The following CEP128 variants were observed in gnomAD, a reference collection of about 807,000 sequenced individuals.
The protein encoded by CEP128 is centrosomal protein 128kDa.
In CEP128, 132 loss-of-function variants were observed where a neutral mutation model predicts 156.7. The observed-to-expected ratio is 0.84, with a 90% CI of 0.73 to 0.97. The LOEUF is 0.97. Ranked by LOEUF, CEP128 falls within the 50% of genes least tolerant of loss-of-function variation. The pLI is 0.00. For missense variants in CEP128, 1,252 were observed against 1,281.9 expected, an observed-to-expected ratio of 0.98 and a Z score of 0.36; for synonymous variants, 469 against 448.9, an observed-to-expected ratio of 1.04 and a Z score of -0.57.
exon 15 of CEP128, chr14:80,477,753 A>G (rs934177328): frequency 1.6e-4 from 24 of 152,320 alleles, no homozygotes; most frequent in African/African-American, 5.8e-4. Context: ...TCTGTTAATG[A>G]TAGCGTGCTT....
chr14:80,700,325 C>T (rs532753081), intron 19 of CEP128, among the ~76,000 whole-genome samples: 1 of 152,050 alleles, frequency 6.6e-6, no homozygotes, highest in Non-Finnish European at 1.5e-5. Context: ...TTGGACTAAG[C>T]TGATGATTAG....
In CEP128 at chr14:80,868,570, G is replaced by A. The variant is rs114658752; in HGVS notation, c.646-5697C>T. Reference sequence around the variant, plus strand: ...AATTATCAAATCACAAAGGAAGACAGAGAGAAAAAAATAAATGAAGAAACT... The same window carrying A: ...AATTATCAAATCACAAAGGAAGACAAAGAGAAAAAAATAAATGAAGAAACT... On this transcript the variant is annotated intron_variant, in intron 8 of 24. Transcript: ENST00000555265. Among the ~76,000 whole-genome samples the A allele has an allele frequency of 4.4e-3, 633 of 145,358 alleles. 4 individuals carry two copies. Among genetic ancestry groups the A allele is most frequent in the African/African-American group, 0.014 (583 of 40,934 alleles).
intron 19 of CEP128, among the ~76,000 whole-genome samples, chr14:80,593,290 T>C (rs967751518): frequency 6.6e-5 from 10 of 152,050 alleles, no homozygotes; most frequent in Non-Finnish European, 1.5e-4. Flanking sequence ...CTCACACCTG[T>C]AATCCCTGCC....
intron 21 of CEP128, among the ~76,000 whole-genome samples, chr14:80,553,419 G>T (rs1890296732): frequency 6.6e-6 from 1 of 152,092 alleles, no homozygotes; most frequent in African/African-American, 2.4e-5. Context: ...TACTCCACTG[G>T]TATGTGATGC....
intron 9 of CEP128, among the ~76,000 whole-genome samples, chr14:80,843,124 A>T (rs1379924866): frequency 8.6e-5 from 13 of 152,046 alleles, no homozygotes; most frequent in Non-Finnish European, 8.8e-5. Context: ...ACTTAACCAT[A>T]AAAATCTCTA....
chr14:80,778,072 G>C (rs775197798), intron 15 of CEP128, 26 bp from the exon 16 acceptor site: 4 of 1,605,662 alleles, frequency 2.5e-6, no homozygotes, highest in South Asian at 1.1e-5. Flanking sequence ...GGAAAAAACA[G>C]AAAGTCCACT....
At chr14:80,922,678 A>G (rs1884935252) in intron 2 of CEP128, among the ~76,000 whole-genome samples, 1 of 152,216 alleles carries the variant, frequency 6.6e-6, no homozygotes, top group African/African-American at 2.4e-5. Flanking sequence ...AAAAACATTT[A>G]TGTATGCTCA....
At chr14:80,597,964 A>AAG (rs1222370554) in intron 19 of CEP128, among the ~76,000 whole-genome samples, 1 of 149,958 alleles carries the variant, frequency 6.7e-6, no homozygotes, top group African/African-American at 2.4e-5. Flanking sequence ...AAAAAAAAAA[A>AAG]AAAAAACAAA....
chr14:80,801,205 T>C (rs1883825662), intron 13 of CEP128, among the ~76,000 whole-genome samples: 1 of 152,240 alleles, frequency 6.6e-6, no homozygotes, highest in Non-Finnish European at 1.5e-5. Flanking sequence ...TGACTTCCTC[T>C]CTTTCTATTT....
chr14:80,718,093 A>G (rs959327293), intron 19 of CEP128, among the ~76,000 whole-genome samples: 3 of 152,142 alleles, frequency 2.0e-5, no homozygotes, highest in African/African-American at 7.2e-5. Flanking sequence ...AAGGCTGGTG[A>G]TCCTCATTTT....
intron 13 of CEP128, among the ~76,000 whole-genome samples, chr14:80,807,805 T>G (rs1566640519): frequency 6.6e-6 from 1 of 152,144 alleles, no homozygotes; most frequent in African/African-American, 2.4e-5. Flanking sequence ...ACAGCCATCA[T>G]AGGTCTACAT....
chr14:80,557,274 T>C (rs1186599725), intron 21 of CEP128, among the ~76,000 whole-genome samples: 1 of 152,208 alleles, frequency 6.6e-6, no homozygotes, highest in East Asian at 1.9e-4. Context: ...ATTCAAATGA[T>C]TAAATAAGAA....
chr14:80,518,911 A>G (rs1383416502), intron 23 of CEP128, among the ~76,000 whole-genome samples: 1 of 152,224 alleles, frequency 6.6e-6, no homozygotes, highest in Non-Finnish European at 1.5e-5. Flanking sequence ...TCAACATAAC[A>G]GAGTATGAAA....
At chr14:80,543,492 A>G (rs1309043049) in intron 21 of CEP128, among the ~76,000 whole-genome samples, 2 of 152,242 alleles carry the variant, frequency 1.3e-5, no homozygotes, top group Non-Finnish European at 2.9e-5. Flanking sequence ...GGCTGAACAA[A>G]AAGTATTAAG....
rs149715659 is a variant in CEP128 at position 80,698,415 on chromosome 14, T to C, written c.2806+44660A>G. 1.1e-3 allele frequency among the ~76,000 whole-genome samples: 168 copies of C among 152,262 alleles called. 2 individuals carry two copies. Among genetic ancestry groups the C allele is most frequent in the East Asian group, 7.5e-3 (39 of 5,180 alleles). ...CATTTCCCAAGCCCTATGAAGAACA[T>C]GTGAAATTCTTTAAATTAGTACTGA... On this transcript the variant is annotated intron_variant, in intron 19 of 24. Coordinates refer to ENST00000555265, the MANE Select transcript of CEP128 (RefSeq NM_152446.5).
chr14:80,541,602 T>C, intron 21 of CEP128, among the ~76,000 whole-genome samples: 1 of 152,154 alleles, frequency 6.6e-6, no homozygotes, highest in Non-Finnish European at 1.5e-5. Context: ...TTTTTCACCT[T>C]ATAACTGGCC....
intron 19 of CEP128, among the ~76,000 whole-genome samples, chr14:80,663,654 T>A (rs1008144719): frequency 1.3e-5 from 2 of 152,166 alleles, no homozygotes; most frequent in East Asian, 3.9e-4. Context: ...CTACCAAAGA[T>A]GTTATACATA....
At chr14:80,814,041 T>A (rs1259538106) in intron 13 of CEP128, among the ~76,000 whole-genome samples, 2 of 152,200 alleles carry the variant, frequency 1.3e-5, no homozygotes, top group African/African-American at 4.8e-5. Context: ...ATTCTTCTTG[T>A]TTCCAATTTG....
intron 20 of CEP128, among the ~76,000 whole-genome samples, chr14:80,572,302 AG>A (rs2090764808): frequency 6.6e-6 from 1 of 152,196 alleles, no homozygotes; most frequent in African/African-American, 2.4e-5. Context: ...ATGTATTATT[AG>A]TACTTAGGAT....
Sources: allele counts gnomAD v4.1 joint callset (sites outside exome capture counted in the v4.1 genomes callset), GRCh38; gene constraint gnomAD v4.1.1; transcripts MANE v1.5; gene names NCBI Gene and HGNC (gene_info 2026-07-23, HGNC 2026-07-21).